The following PRUNE2 variants were observed in gnomAD, a reference collection of about 807,000 sequenced individuals.
PRUNE2 encodes the protein prune homolog 2 with BCH domain.
PRUNE2 carries 164 observed loss-of-function variants against 252.0 expected under a neutral mutation model. The observed-to-expected ratio is 0.65, with a 90% CI of 0.57 to 0.74. The LOEUF is 0.74. Among genes scored for constraint, PRUNE2 ranks in the 30% least tolerant of loss-of-function variants. The pLI, the probability that PRUNE2 is intolerant of heterozygous loss-of-function variation, is 0.00. For synonymous variants in PRUNE2, 1,292 were observed against 1,350.2 expected, an observed-to-expected ratio of 0.96 and a Z score of 0.94; for missense variants, 3,495 against 3,711.0, an observed-to-expected ratio of 0.94 and a Z score of 1.51.
chr9:76,782,698 T>G (rs2054549152), intron 6 of PRUNE2: 1 of 152,212 alleles, frequency 6.6e-6, no homozygotes. Context: ...AGTGTTTCAA[T>G]GAACACCAAG....
chr9:76,823,584 G>T, intron 6 of PRUNE2, 48 bp downstream of exon 6: 3 of 1,054,112 alleles, frequency 2.8e-6, no homozygotes, highest in African/African-American at 1.6e-5. Flanking sequence ...TGCTCAGACT[G>T]CAATTGTGGG....
At chr9:76,671,766 G>T (rs10120100) in intron 9 of PRUNE2, among the ~76,000 whole-genome samples, 1 of 150,570 alleles carries the variant, frequency 6.6e-6, no homozygotes, top group Non-Finnish European at 1.5e-5. Context: ...TTAAAGAAAA[G>T]AATTTTCAAC....
chr9:76,652,562 GTCCAAGTTA>G lies in PRUNE2; in HGVS notation c.8469_8477del (p.Asn2824_Asp2826del). 1 of 1,613,186 alleles carries G rather than the reference GTCCAAGTTA, an allele frequency of 6.2e-7. No homozygotes were observed. Among genetic ancestry groups the G allele is most frequent in the Non-Finnish European group, 8.5e-7 (1 of 1,179,244 alleles). On this transcript the variant is annotated inframe_deletion, in exon 11 of 19. Coordinates refer to ENST00000376718, the MANE Select transcript of PRUNE2 (RefSeq NM_015225.3). Reference sequence around the variant, plus strand: ...CATTGATGTCAATTTCATCTGGACTGTCCAAGTTATCATCAGAGAGAATAGATCCTTCAC... The same window carrying G: ...CATTGATGTCAATTTCATCTGGACTGTCATCAGAGAGAATAGATCCTTCAC...
At chr9:76,817,610 C>T (rs921731844) in intron 6 of PRUNE2, 2 of 152,222 alleles carry the variant, frequency 1.3e-5, no homozygotes, top group Admixed American at 1.3e-4. Context: ...CCTGAGCAAC[C>T]TTGGAAACCA....
intron 6 of PRUNE2, among the ~76,000 whole-genome samples, chr9:76,793,599 G>A (rs886815246): frequency 6.6e-6 from 1 of 152,144 alleles, no homozygotes; most frequent in African/African-American, 2.4e-5. Flanking sequence ...ACTGTGAAGG[G>A]AGCAGGAACT....
chr9:76,742,480 T>G (rs1162027651), intron 6 of PRUNE2, among the ~76,000 whole-genome samples: 1 of 151,952 alleles, frequency 6.6e-6, no homozygotes, highest in Non-Finnish European at 1.5e-5. Flanking sequence ...TAGCTAGGTG[T>G]GGTGGCATGT....
chr9:76,678,266 C>T (rs905957841), intron 9 of PRUNE2, among the ~76,000 whole-genome samples: 6 of 139,002 alleles, frequency 4.3e-5, no homozygotes, highest in Non-Finnish European at 9.1e-5. Flanking sequence ...ACAGGAGAAT[C>T]GCCTGAACCC....
rs1195531965 is a variant in PRUNE2, at chr9:76,710,740, A to C, written c.1534T>G (p.Ser512Ala). ...TCATCTGCTGGGGAGTAGTCTGCAG[A>C]ATGAGAAGATTGCTGGGACTGCCCA... ...ASGQSQQSSH[S>A]ADYSPADDFF... Residue 512 changes from serine to alanine, a missense_variant, in exon 8 of 19, where the codon TCT becomes GCT. Transcript: ENST00000376718. 1.2e-6 allele frequency: 2 copies of C among 1,612,244 alleles called. No homozygotes were observed. Among genetic ancestry groups the C allele is most frequent in the African/African-American group, 2.7e-5 (2 of 75,004 alleles).
At chr9:76,842,883 G>A (rs947740031) in intron 4 of PRUNE2, among the ~76,000 whole-genome samples, 1 of 152,186 alleles carries the variant, frequency 6.6e-6, no homozygotes, top group South Asian at 2.1e-4. Flanking sequence ...TGGTGGGAGT[G>A]TAAATTAGTT....
chr9:76,696,377 TCTC>T (rs995833826), intron 9 of PRUNE2, among the ~76,000 whole-genome samples: 2 of 152,086 alleles, frequency 1.3e-5, no homozygotes, highest in African/African-American at 4.8e-5. Context: ...TCAGCTCTAC[TCTC>T]CTACTTTCTC....
intron 6 of PRUNE2, among the ~76,000 whole-genome samples, chr9:76,768,596 T>C (rs1325742567): frequency 1.4e-5 from 2 of 144,234 alleles, no homozygotes; most frequent in African/African-American, 5.4e-5. Flanking sequence ...TGTGTGTGTG[T>C]GTGTGTGTGT....
intron 11 of PRUNE2, among the ~76,000 whole-genome samples, chr9:76,647,689 G>A (rs1352486708): frequency 2.6e-5 from 4 of 152,176 alleles, no homozygotes; most frequent in Admixed American, 1.3e-4. Flanking sequence ...ATAAGGCCAG[G>A]TGCAGTGGCT....
At chr9:76,787,520 C>T (rs574562941) in intron 6 of PRUNE2, 3 of 152,212 alleles carry the variant, frequency 2.0e-5, no homozygotes, top group Non-Finnish European at 4.4e-5. Context: ...CAAACCTACA[C>T]ATTCTGCACA....
At position 76,706,090 on chromosome 9, in the gene PRUNE2, GCCCA is replaced by G. The variant is rs1215757524; in HGVS notation, c.6180_6183del (p.Gly2061SerfsTer11). On this transcript the variant is annotated frameshift_variant, in exon 8 of 19. Transcript: ENST00000376718. LOFTEE classifies it high-confidence loss of function. Reference sequence around the variant, plus strand: ...AAGTCAGGCGCGGCAGAGGCCAGCTGCCCACCCTCTTGAAAGTTGCCATGTAAAA... The same window carrying G: ...AAGTCAGGCGCGGCAGAGGCCAGCTGCCCTCTTGAAAGTTGCCATGTAAAA... 2 of 1,614,014 alleles carry G rather than the reference GCCCA, an allele frequency of 1.2e-6. No homozygotes were observed. Among genetic ancestry groups the G allele is most frequent in the South Asian group, 2.2e-5 (2 of 91,086 alleles).
Position 76,724,952 on chromosome 9 carries a change from A to G in PRUNE2, c.757-11231T>C, listed in dbSNP as rs1459859938. On this transcript the variant is annotated intron_variant, in intron 6 of 18. Coordinates refer to ENST00000376718, the MANE Select transcript of PRUNE2 (RefSeq NM_015225.3). ...AAACCCCGCTCATTAGCCATGCTCT[A>G]TTTTTGAAATGGTAGAACCTGGGCT... Among the ~76,000 whole-genome samples, 7 of 152,276 alleles carry G rather than the reference A, an allele frequency of 4.6e-5. No individual in the cohort carries two copies. In the South Asian group the frequency reaches 6.2e-4, roughly 14 times the overall value.
At chr9:76,873,550 G>T (rs749132876) in intron 1 of PRUNE2, among the ~76,000 whole-genome samples, 3 of 152,084 alleles carry the variant, frequency 2.0e-5, no homozygotes, top group African/African-American at 4.8e-5. Context: ...CAAACGAGGC[G>T]CCAGAGAGCT....
chr9:76,788,001 C>T (rs1303086786), intron 6 of PRUNE2, among the ~76,000 whole-genome samples: 5 of 152,178 alleles, frequency 3.3e-5, no homozygotes, highest in Admixed American at 3.3e-4. Flanking sequence ...GCCTTTTCCC[C>T]CTTTCTTCCA....
chr9:76,859,138 C>T (rs2060420397), intron 1 of PRUNE2, among the ~76,000 whole-genome samples: 1 of 152,186 alleles, frequency 6.6e-6, no homozygotes, highest in South Asian at 2.1e-4. Flanking sequence ...TACTACACTG[C>T]TTTGTCATCT....
chr9:76,763,167 G>A (rs2051925021), intron 6 of PRUNE2, among the ~76,000 whole-genome samples: 1 of 152,166 alleles, frequency 6.6e-6, no homozygotes, highest in Admixed American at 6.5e-5. Flanking sequence ...ATGACAAAAA[G>A]CCCAGGTGCT....
Sources: gnomAD v4.1 joint callset for allele counts (sites outside exome capture counted in the v4.1 genomes callset) on GRCh38, gnomAD v4.1.1 for gene constraint, MANE v1.5 for transcripts, NCBI Gene and HGNC (gene_info 2026-07-23, HGNC 2026-07-21) for gene names.